KCNIP1: variants seen among roughly 807,000 people sequenced by gnomAD.
The protein encoded by KCNIP1 is A-type potassium channel modulatory protein KCNIP1.
KCNIP1 carries 18 observed loss-of-function variants against 33.0 expected under a neutral mutation model. That is an observed-to-expected ratio of 0.55 (90% CI 0.38 to 0.81). The LOEUF is 0.81. Ranked by LOEUF, KCNIP1 falls within the 30% of genes least tolerant of loss-of-function variation. KCNIP1 has a pLI of 0.00. For synonymous variants in KCNIP1, 93 were observed against 98.3 expected (o/e 0.95, Z 0.32); for missense variants, 238 against 271.6 (o/e 0.88, Z 0.87).
At chr5:170,735,457 A>C (rs549951826) in intron 7 of KCNIP1, among the ~76,000 whole-genome samples, 12 of 152,368 alleles carry the variant, frequency 7.9e-5, no homozygotes, top group Admixed American at 6.5e-4. Flanking sequence ...ACATTAATAG[A>C]ATAAAAAGAG....
At chr5:170,578,817 T>G (rs1757692831) in intron 1 of KCNIP1, among the ~76,000 whole-genome samples, 1 of 152,164 alleles carries the variant, frequency 6.6e-6, no homozygotes, top group Non-Finnish European at 1.5e-5. Flanking sequence ...GAGGATGTTT[T>G]GGCTAACATA....
In KCNIP1 at chr5:170,690,174, G is replaced by A. The variant is rs576938321; in HGVS notation, c.62-28584G>A. ...ACTGATGAATGACGGCCCTAAGCAG[G>A]GATTTTTCTCCAAAGCTTCCTCACA... On this transcript the variant is annotated intron_variant, in intron 1 of 7. Transcript: ENST00000328939. 7.9e-5 allele frequency among the ~76,000 whole-genome samples: 12 copies of A among 152,212 alleles called. No individual in the cohort carries two copies. In the South Asian group the frequency reaches 2.5e-3, roughly 32 times the overall value.
At chr5:170,668,661 T>C (rs187718630) in intron 1 of KCNIP1, among the ~76,000 whole-genome samples, 2 of 152,318 alleles carry the variant, frequency 1.3e-5, no homozygotes, top group African/African-American at 4.8e-5. Flanking sequence ...GAAACCATGA[T>C]GGTGGAGGAG....
chr5:170,654,765 G>T (rs1761194710), intron 1 of KCNIP1, among the ~76,000 whole-genome samples: 1 of 152,178 alleles, frequency 6.6e-6, no homozygotes, highest in Admixed American at 6.5e-5. Flanking sequence ...GCAGTCAGTA[G>T]TTTCATACTT....
chr5:170,736,102 A>G lies in KCNIP1; in HGVS notation c.*296A>G, dbSNP rs145355239. 1.4e-4 allele frequency: 56 copies of G among 397,140 alleles called. No homozygotes were observed. The highest frequency in any genetic ancestry group is 9.8e-4 in the African/African-American group (49 of 49,798). The allele number at this position is 397,140 out of a possible 1,614,324, so 24.6% of individuals were successfully genotyped here. A position where few individuals can be genotyped will look rare whatever the true frequency, so the allele number is the denominator to read the frequency against. ...TGCCCTATGGAAGGTCCCTCTGCTTAAGCTTAAACAGTAGTGCACAAAATA... is the reference window on the plus strand; with the variant it reads ...TGCCCTATGGAAGGTCCCTCTGCTTGAGCTTAAACAGTAGTGCACAAAATA... On this transcript the variant is annotated 3_prime_UTR_variant, in exon 8 of 8. Coordinates refer to ENST00000328939, the MANE Select transcript of KCNIP1 (RefSeq NM_014592.4).
At chr5:170,578,552 G>A (rs1297467025) in intron 1 of KCNIP1, among the ~76,000 whole-genome samples, 1 of 152,198 alleles carries the variant, frequency 6.6e-6, no homozygotes, top group Non-Finnish European at 1.5e-5. Context: ...CATCAGGGAT[G>A]AGATCCGTGG....
chr5:170,367,417 G>GA (rs1206667276), intron 1 of KCNIP1, among the ~76,000 whole-genome samples: 7 of 99,064 alleles, frequency 7.1e-5, no homozygotes, highest in Admixed American at 1.1e-4. Flanking sequence ...AAGAAAGAAA[G>GA]AAAGGAAAGA....
At chr5:170,676,358 C>T (rs537347452) in intron 1 of KCNIP1, among the ~76,000 whole-genome samples, 3 of 152,276 alleles carry the variant, frequency 2.0e-5, no homozygotes, top group Non-Finnish European at 2.9e-5. Context: ...AAAGAACACA[C>T]GAATCATTTT....
rs1755696248 is a variant in KCNIP1, at chr5:170,429,604, T to C, written c.88+75640T>C. On this transcript the variant is annotated intron_variant, in intron 1 of 7. Coordinates refer to the KCNIP1 transcript ENST00000377360. ...GTACCCATCAACTAATTTCTCATCA[T>C]CCACTCCTCCCCCACACCCTCACCC... Among the ~76,000 whole-genome samples the C allele has an allele frequency of 2.6e-5, 4 of 152,112 alleles. No individual in the cohort carries two copies. In the South Asian group the frequency reaches 8.3e-4, roughly 32 times the overall value.
chr5:170,456,693 C>CTT (rs1756383689), intron 1 of KCNIP1, among the ~76,000 whole-genome samples: 1 of 60,696 alleles, frequency 1.6e-5, no homozygotes, highest in African/African-American at 9.6e-5. Flanking sequence ...CTTTCTCTCT[C>CTT]TCTCTCTTTT....
At chr5:170,581,430 A>T (rs542818625) in intron 1 of KCNIP1, among the ~76,000 whole-genome samples, 1 of 152,212 alleles carries the variant, frequency 6.6e-6, no homozygotes, top group Non-Finnish European at 1.5e-5. Context: ...GATGCACTTC[A>T]TGTGCCAGCT....
chr5:170,376,601 A>C (rs1764016032), intron 1 of KCNIP1: 1 of 152,068 alleles, frequency 6.6e-6, no homozygotes, highest in Non-Finnish European at 1.5e-5. Context: ...CCCACTTATA[A>C]GTGAGAATAT....
chr5:170,358,866 A>G (rs1012063648), intron 1 of KCNIP1, among the ~76,000 whole-genome samples: 1 of 152,196 alleles, frequency 6.6e-6, no homozygotes, highest in African/African-American at 2.4e-5. Context: ...GTCTTGCTGC[A>G]GCCAAGACAA....
At chr5:170,425,183 G>A (rs114385458) in intron 1 of KCNIP1, among the ~76,000 whole-genome samples, 239 of 152,280 alleles carry the variant, frequency 1.6e-3, no homozygotes, top group African/African-American at 5.5e-3. Context: ...CCACTATAAT[G>A]TAAGCTCCAT....
intron 1 of KCNIP1, among the ~76,000 whole-genome samples, chr5:170,470,374 C>T (rs1227211929): frequency 6.6e-6 from 1 of 152,030 alleles, no homozygotes; most frequent in Non-Finnish European, 1.5e-5. Context: ...TGCCCCCTCT[C>T]CCCTAGACCA....
At chr5:170,718,682 T>G (rs568805596) in intron 1 of KCNIP1, 76 bp from the exon 2 acceptor site, 3 of 1,580,764 alleles carry the variant, frequency 1.9e-6, no homozygotes, top group Admixed American at 3.5e-5. Context: ...CACCACTCTT[T>G]TGACAGCCCA....
At chr5:170,661,994 T>C (rs947954897) in intron 1 of KCNIP1, among the ~76,000 whole-genome samples, 12 of 152,118 alleles carry the variant, frequency 7.9e-5, no homozygotes, top group Admixed American at 5.2e-4. Context: ...GTAGACACAA[T>C]GGAGGCTCCT....
intron 1 of KCNIP1, among the ~76,000 whole-genome samples, chr5:170,684,612 A>T (rs755209606): frequency 2.6e-5 from 4 of 152,256 alleles, no homozygotes; most frequent in Non-Finnish European, 5.9e-5. Context: ...TAGTGAATGT[A>T]AAGGCTTAGG....
chr5:170,467,981 CTATTAAGA>C (rs945511875), intron 1 of KCNIP1, among the ~76,000 whole-genome samples: 9 of 146,650 alleles, frequency 6.1e-5, no homozygotes, highest in African/African-American at 2.3e-4. Flanking sequence ...TATATTCTTT[CTATTAAGA>C]TATTTGTGCT....
Sources: gnomAD v4.1 joint callset for allele counts (sites outside exome capture counted in the v4.1 genomes callset) on GRCh38, gnomAD v4.1.1 for gene constraint, MANE v1.5 for transcripts, NCBI Gene and HGNC (gene_info 2026-07-23, HGNC 2026-07-21) for gene names.